KIAA1328: variants seen among roughly 807,000 people sequenced by gnomAD.
The protein encoded by KIAA1328 is protein hinderin.
Under a neutral mutation model 68.1 loss-of-function variants are expected in KIAA1328, and 52 were observed. The ratio of observed to expected loss-of-function variants is 0.76; its 90% CI spans 0.61 to 0.96. The LOEUF is 0.96. KIAA1328 is among the 40% of genes least tolerant of loss of function. KIAA1328 has a pLI of 0.00. For missense variants in KIAA1328, 641 were observed against 677.6 expected (o/e 0.95, Z 0.60); for synonymous variants, 232 against 239.4 (o/e 0.97, Z 0.28).
intron 6 of KIAA1328, among the ~76,000 whole-genome samples, chr18:37,028,437 T>C (rs1207639203): frequency 6.6e-6 from 1 of 152,128 alleles, no homozygotes; most frequent in South Asian, 2.1e-4. Context: ...GGGCAGAGAC[T>C]AGGATTTTCT....
chr18:36,902,652 C>G (rs2049081404), intron 5 of KIAA1328, among the ~76,000 whole-genome samples: 1 of 152,048 alleles, frequency 6.6e-6, no homozygotes, highest in Non-Finnish European at 1.5e-5. Context: ...CATAAGATAT[C>G]AAACAATTGG....
Position 37,224,650 on chromosome 18 carries a change from T to A in KIAA1328, c.*2423T>A. 1 of 985,442 alleles carries A rather than the reference T, an allele frequency of 1.0e-6. No homozygotes were observed. Among genetic ancestry groups the A allele is most frequent in the Non-Finnish European group, 1.2e-6 (1 of 829,924 alleles). The allele number at this position is 985,442 out of a possible 1,614,324, so 61.0% of individuals were successfully genotyped here. ...AAAGGTTGTTACAGAGCCTCAAAGC[T>A]GTTGCAGACTATCCCAAGAGAAAGG... On this transcript the variant is annotated 3_prime_UTR_variant, in exon 10 of 10. Coordinates refer to ENST00000280020, the MANE Select transcript of KIAA1328 (RefSeq NM_020776.3).
intron 4 of KIAA1328, among the ~76,000 whole-genome samples, chr18:36,861,951 G>A (rs751397308): frequency 6.6e-6 from 1 of 152,086 alleles, no homozygotes; most frequent in East Asian, 1.9e-4. Context: ...GATTGCAGGC[G>A]TGAGTCACTG....
intron 5 of KIAA1328, among the ~76,000 whole-genome samples, chr18:36,956,010 T>C (rs934578312): frequency 3.3e-5 from 5 of 152,288 alleles, no homozygotes; most frequent in Admixed American, 1.3e-4. Context: ...GCCCTTCCAC[T>C]CTCCACCTGT....
chr18:36,892,929 A>G (rs2048737240), intron 5 of KIAA1328, among the ~76,000 whole-genome samples: 1 of 152,218 alleles, frequency 6.6e-6, no homozygotes, highest in South Asian at 2.1e-4. Context: ...TAGAAAGTAA[A>G]GAAATTATAT....
intron 5 of KIAA1328, among the ~76,000 whole-genome samples, chr18:36,913,479 T>TAC (rs10582262): frequency 0.013 from 1,229 of 91,386 alleles, 24 homozygotes; most frequent in African/African-American, 0.039. Context: ...ATTACAACCT[T>TAC]ACACACACAC....
At chr18:37,200,805 G>A (rs1305654336) in intron 9 of KIAA1328, among the ~76,000 whole-genome samples, 1 of 142,820 alleles carries the variant, frequency 7.0e-6, no homozygotes, top group Non-Finnish European at 1.5e-5. Context: ...GCGACAGAGC[G>A]AGACTCCGTC....
At chr18:36,838,226 C>G (rs577791334) in intron 3 of KIAA1328, among the ~76,000 whole-genome samples, 2 of 152,242 alleles carry the variant, frequency 1.3e-5, no homozygotes, top group East Asian at 3.9e-4. Flanking sequence ...TTACCATTTT[C>G]TCTATATAAG....
chr18:37,093,546 C>T lies in KIAA1328; in HGVS notation c.1232+26001C>T, dbSNP rs572744533. ...AGCTTCAGCAATAAACTAGATTAAG[C>T]AGAAGAAAGAATTTCTGAACTTGAA... On this transcript the variant is annotated intron_variant, in intron 7 of 9. Transcript: ENST00000280020. Among the ~76,000 whole-genome samples, 4 of 152,128 alleles carry T rather than the reference C, an allele frequency of 2.6e-5. No individual in the cohort carries two copies. In the South Asian group the frequency reaches 6.2e-4, roughly 24 times the overall value.
At chr18:36,872,956 C>T (rs993767510) in intron 4 of KIAA1328, among the ~76,000 whole-genome samples, 3 of 152,080 alleles carry the variant, frequency 2.0e-5, no homozygotes, top group African/African-American at 7.2e-5. Context: ...CTTTAAAGTG[C>T]CTTTTGTGTG....
At chr18:37,175,981 G>T (rs190757182) in intron 9 of KIAA1328, among the ~76,000 whole-genome samples, 26 of 152,274 alleles carry the variant, frequency 1.7e-4, no homozygotes, top group Admixed American at 7.2e-4. Flanking sequence ...AAAAAAACAG[G>T]TGTGGCAGAG....
intron 8 of KIAA1328, among the ~76,000 whole-genome samples, chr18:37,163,630 A>G (rs1171140941): frequency 6.6e-6 from 1 of 152,126 alleles, no homozygotes; most frequent in African/African-American, 2.4e-5. Flanking sequence ...TTGTTCCTCT[A>G]AGTGAGCCTG....
chr18:36,943,737 A>G (rs1403083998), intron 5 of KIAA1328, among the ~76,000 whole-genome samples: 1 of 152,226 alleles, frequency 6.6e-6, no homozygotes, highest in Non-Finnish European at 1.5e-5. Context: ...TGGATAACAT[A>G]GTCCTTAACT....
chr18:37,223,045 T>TCCGGGGGGGGGG lies in KIAA1328; in HGVS notation c.*819_*820insCGGGGGGGGGGC. On this transcript the variant is annotated 3_prime_UTR_variant, in exon 10 of 10. Transcript: ENST00000280020. ...TTATTTACCCAAGTGTTCAGCTTAT[T>TCCGGGGGGGGGG]CACCCCACCCCCCCACCCCCCATCA... 1 of 974,260 alleles carries TCCGGGGGGGGGG rather than the reference T, an allele frequency of 1.0e-6. No individual in the cohort carries two copies. The highest frequency in any genetic ancestry group is 1.2e-6 in the Non-Finnish European group (1 of 825,512). 60.4% of individuals were successfully genotyped at this position (974,260 alleles called of 1,614,324 possible). A position where few individuals can be genotyped will look rare whatever the true frequency, so the allele number is the denominator to read the frequency against.
chr18:36,995,129 C>T (rs2151429691), intron 6 of KIAA1328, among the ~76,000 whole-genome samples: 1 of 152,112 alleles, frequency 6.6e-6, no homozygotes, highest in Non-Finnish European at 1.5e-5. Context: ...GCTGACAGGC[C>T]CCGGTGTGTG....
chr18:37,144,560 A>G (rs927257572), intron 7 of KIAA1328, among the ~76,000 whole-genome samples: 1 of 152,068 alleles, frequency 6.6e-6, no homozygotes, highest in Non-Finnish European at 1.5e-5. Flanking sequence ...TTGTTGAGAC[A>G]GGGTCTAAGT....
chr18:37,177,514 G>A (rs937841237), intron 9 of KIAA1328, among the ~76,000 whole-genome samples: 3 of 152,078 alleles, frequency 2.0e-5, no homozygotes, highest in African/African-American at 7.2e-5. Context: ...AAGATGTGAA[G>A]AAAGAAAGGG....
At chr18:36,847,253 A>G (rs1039826582) in intron 4 of KIAA1328, among the ~76,000 whole-genome samples, 1 of 151,524 alleles carries the variant, frequency 6.6e-6, no homozygotes, top group Non-Finnish European at 1.5e-5. Flanking sequence ...TTTTGCATGA[A>G]CATAATTATT....
intron 6 of KIAA1328, among the ~76,000 whole-genome samples, chr18:36,992,142 C>T (rs1035363544): frequency 2.3e-4 from 35 of 152,126 alleles, no homozygotes; most frequent in African/African-American, 7.7e-4. Context: ...AAAAGTTCTT[C>T]GTATAGTCTA....
Sources: gnomAD v4.1 joint callset for allele counts (sites outside exome capture counted in the v4.1 genomes callset) on GRCh38, gnomAD v4.1.1 for gene constraint, MANE v1.5 for transcripts, NCBI Gene and HGNC (gene_info 2026-07-23, HGNC 2026-07-21) for gene names.